UGGT1: variants seen among roughly 807,000 people sequenced by gnomAD.
UGGT1 encodes the protein UDP-glucose:glycoprotein glucosyltransferase 1.
Under a neutral mutation model 203.9 loss-of-function variants are expected in UGGT1, and 107 were observed. The ratio of observed to expected loss-of-function variants is 0.52; its 90% confidence interval spans 0.45 to 0.62. The LOEUF (loss-of-function observed/expected upper bound fraction) is 0.62, where lower values mean the gene tolerates loss of function less well. UGGT1 is among the 20% of genes least tolerant of loss of function. UGGT1 has a pLI of 0.00. For synonymous variants in UGGT1, 628 were observed against 653.5 expected, an observed-to-expected ratio of 0.96 and a Z score of 0.59; for missense variants, 1,673 against 1,867.2, an observed-to-expected ratio of 0.90 and a Z score of 1.92.
intron 26 of UGGT1, among the ~76,000 whole-genome samples, chr2:128,168,705 G>T (rs1438284379): frequency 6.6e-6 from 1 of 152,180 alleles, no homozygotes; most frequent in Non-Finnish European, 1.5e-5. Context: ...ACCAGTCTGT[G>T]TGACTTCACA....
intron 18 of UGGT1, chr2:128,151,224 C>T (rs1211775864): frequency 5.1e-6 from 3 of 589,398 alleles, no homozygotes; most frequent in East Asian, 3.1e-5. Context: ...ATTTTTGTTT[C>T]TTCTGCTCCT....
rs747596579 is a variant in UGGT1, at chr2:128,174,875, C to T, written c.3539+17C>T. 4 of 1,600,810 alleles carry T rather than the reference C, an allele frequency of 2.5e-6. No individual in the cohort carries two copies. Among genetic ancestry groups the T allele is most frequent in the East Asian group, 2.2e-5 (1 of 44,596 alleles). On this transcript the variant is annotated intron_variant, in intron 31 of 40. Transcript: ENST00000259253. ...AATTTACAGGTAGGAGTAAGTGATG[C>T]AGTTACATTATCCCAGAACTTTTAG... is the stretch of plus-strand genomic sequence containing the variant.
intron 5 of UGGT1, among the ~76,000 whole-genome samples, chr2:128,111,134 C>G (rs1687826757): frequency 6.6e-6 from 1 of 152,192 alleles, no homozygotes; most frequent in Non-Finnish European, 1.5e-5. Flanking sequence ...AGGAGGATCA[C>G]TTGATCCCAG....
intron 1 of UGGT1, 52 bp from the exon 2 acceptor site, chr2:128,097,377 A>G: frequency 6.4e-7 from 1 of 1,563,866 alleles, no homozygotes; most frequent in Non-Finnish European, 8.6e-7. Context: ...TGCGTCTCAA[A>G]AAAAAAAAAA....
intron 18 of UGGT1, among the ~76,000 whole-genome samples, chr2:128,151,751 G>T (rs1367565886): frequency 1.3e-5 from 2 of 152,140 alleles, no homozygotes; most frequent in Non-Finnish European, 2.9e-5. Context: ...CATGCCTGTA[G>T]TCCCAGCTAT....
At chr2:128,128,273 A>G (rs1301309737) in intron 12 of UGGT1, among the ~76,000 whole-genome samples, 1 of 151,826 alleles carries the variant, frequency 6.6e-6, no homozygotes. Flanking sequence ...GAGTCTCAAA[A>G]GAAATTTTTT....
rs751071812 is a variant in UGGT1, at chr2:128,182,301, G to GA, written c.4244+13dup. 1 of 1,609,128 alleles carries GA rather than the reference G, an allele frequency of 6.2e-7. No individual in the cohort carries two copies. The highest frequency in any genetic ancestry group is 2.2e-5 in the East Asian group (1 of 44,868). ...AAAGTATCATATCAGGTACTGAAAA[G>GA]AAGCACTCCTAACACTGTTACGGGG... On this transcript the variant is annotated intron_variant, in intron 37 of 40. Transcript: ENST00000259253.
chr2:128,174,961 ATTTGCAGT>A (rs1691301013), intron 31 of UGGT1, 103 bp downstream of exon 31: 1 of 966,882 alleles, frequency 1.0e-6, no homozygotes, highest in Non-Finnish European at 1.5e-6. Flanking sequence ...CATGAATTTA[ATTTGCAGT>A]TGTATGTGAT....
chr2:128,099,239 A>T (rs927104226), intron 2 of UGGT1, among the ~76,000 whole-genome samples: 1 of 151,800 alleles, frequency 6.6e-6, no homozygotes, highest in Non-Finnish European at 1.5e-5. Flanking sequence ...TGCCTCCTGG[A>T]CTCAAGCCAT....
At chr2:128,116,650 A>G (rs547991139) in intron 8 of UGGT1, among the ~76,000 whole-genome samples, 1 of 152,060 alleles carries the variant, frequency 6.6e-6, no homozygotes, top group East Asian at 1.9e-4. Flanking sequence ...TCAGCCTCCC[A>G]AGTAGCTGGG....
intron 34 of UGGT1, 43 bp downstream of exon 34, chr2:128,178,612 G>T: frequency 6.5e-7 from 1 of 1,540,012 alleles, no homozygotes; most frequent in Non-Finnish European, 8.9e-7. Context: ...TGAATGAATT[G>T]GTCAGTGTTC....
chr2:128,112,454 T>TTATACATA, intron 5 of UGGT1, among the ~76,000 whole-genome samples: 1 of 55,808 alleles, frequency 1.8e-5, no homozygotes, highest in Non-Finnish European at 3.8e-5. Context: ...AAATACTATG[T>TTATACATA]TATATATATA....
Position 128,123,256 on chromosome 2 carries a change from G to T in UGGT1, c.1134+10G>T, listed in dbSNP as rs777396788. 1.9e-6 allele frequency: 3 copies of T among 1,610,162 alleles called. No individual in the cohort carries two copies. In the African/African-American group the frequency reaches 4.0e-5, roughly 22 times the overall value. ...GGAAGAGAATCAGAAGGTATTCACC[G>T]ATAGAAAATACTGACCTGTTTTGTA... On this transcript the variant is annotated intron_variant, in intron 11 of 40. Coordinates refer to ENST00000259253, the MANE Select transcript of UGGT1 (RefSeq NM_020120.4).
intron 4 of UGGT1, among the ~76,000 whole-genome samples, chr2:128,108,387 C>T (rs1687700298): frequency 1.3e-5 from 2 of 152,108 alleles, no homozygotes; most frequent in South Asian, 4.1e-4. Context: ...AAGCAGTTCA[C>T]AGGAAATACA....
At chr2:128,112,834 C>T (rs957642767) in intron 5 of UGGT1, among the ~76,000 whole-genome samples, 1 of 151,744 alleles carries the variant, frequency 6.6e-6, no homozygotes, top group African/African-American at 2.4e-5. Context: ...ATGCACTGGA[C>T]CTGCCAGTGT....
Position 128,172,616 on chromosome 2 carries a change from G to A in UGGT1, c.3148G>A (p.Asp1050Asn). The change falls in exon 29 of 41, where the codon GAC (aspartate) becomes AAC (asparagine). Residue 1050 changes from aspartate (D) to asparagine (N), a missense_variant. By Grantham distance (23) the Asp-to-Asn change is conservative (BLOSUM62 1). Transcript: ENST00000259253. The part of the protein sequence containing the change: ...VLEPEISFTS[D>N]NSFAKGPIAK... ...AGAACCAGAGATTTCTTTCACTTCAGACAATAGTTTTGCTAAGGGTCCAAT... is the reference window on the plus strand; with the variant it reads ...AGAACCAGAGATTTCTTTCACTTCAAACAATAGTTTTGCTAAGGGTCCAAT... The A allele has an allele frequency of 6.2e-7, 1 of 1,614,044 alleles. No individual in the cohort carries two copies.
chr2:128,186,121 C>G (rs191228719), intron 38 of UGGT1, among the ~76,000 whole-genome samples: 49 of 152,268 alleles, frequency 3.2e-4, no homozygotes, highest in Admixed American at 2.5e-3. Flanking sequence ...TAGGTGCAGG[C>G]TGTTTGTAAG....
intron 21 of UGGT1, 81 bp from the exon 22 acceptor site, chr2:128,157,171 G>T (rs1381752377): frequency 2.0e-5 from 20 of 977,716 alleles, no homozygotes; most frequent in Non-Finnish European, 2.9e-5. Flanking sequence ...AAATTATTTG[G>T]TCAATTTCAT....
intron 34 of UGGT1, 45 bp from the exon 35 acceptor site, chr2:128,179,741 A>G: frequency 1.3e-6 from 2 of 1,523,918 alleles, no homozygotes; most frequent in Non-Finnish European, 1.8e-6. Flanking sequence ...TTGAGGTTAA[A>G]TAACATTGGA....
Sources: allele counts gnomAD v4.1 joint callset (sites outside exome capture counted in the v4.1 genomes callset), GRCh38; gene constraint gnomAD v4.1.1; transcripts MANE v1.5; gene names NCBI Gene and HGNC (gene_info 2026-07-23, HGNC 2026-07-21).